The following PARP8 variants were observed in gnomAD, a reference collection of about 807,000 sequenced individuals.
The protein encoded by PARP8 is poly(ADP-ribose) polymerase family member 8.
In PARP8, 51 loss-of-function variants were observed where a neutral mutation model predicts 124.1. That is an observed-to-expected ratio of 0.41 (90% CI 0.33 to 0.52). The LOEUF is 0.52. Ranked by LOEUF, PARP8 falls within the 20% of genes least tolerant of loss-of-function variation. The pLI is 0.21. For missense variants in PARP8, 860 were observed against 1,018.9 expected (o/e 0.84, Z 2.12); for synonymous variants, 391 against 361.5 (o/e 1.08, Z -0.93).
At chr5:50,814,972 T>C (rs1288731499) in intron 14 of PARP8, among the ~76,000 whole-genome samples, 1 of 151,828 alleles carries the variant, frequency 6.6e-6, no homozygotes, top group African/African-American at 2.4e-5. Context: ...AGAATCATGC[T>C]ATTTTTTTTT....
chr5:50,766,109 A>C (rs1761034597), intron 7 of PARP8, among the ~76,000 whole-genome samples: 1 of 152,222 alleles, frequency 6.6e-6, no homozygotes, highest in Non-Finnish European at 1.5e-5. Flanking sequence ...AATCCTCTTA[A>C]AGAAGGCTGA....
In PARP8 at chr5:50,829,980, T is replaced by G. The variant is rs548188525; in HGVS notation, c.2233+19T>G. On this transcript the variant is annotated intron_variant, in intron 22 of 25. Coordinates refer to ENST00000281631, the MANE Select transcript of PARP8 (RefSeq NM_024615.4). ...TACTCAGGTAATTCCTGTATTTCAT[T>G]TCTAAAGTCACATTTATTAGGTTTT... The G allele has an allele frequency of 3.7e-6, 6 of 1,600,018 alleles. No homozygotes were observed. The highest frequency in any genetic ancestry group is 5.1e-6 in the Non-Finnish European group (6 of 1,172,526).
intron 23 of PARP8, chr5:50,833,512 G>GAA (rs201931532): frequency 9.8e-4 from 268 of 273,146 alleles, no homozygotes; most frequent in East Asian, 2.0e-3. Context: ...TCTAATATCT[G>GAA]AAAAAAAAAA....
At chr5:50,779,996 T>C (rs373428811) in intron 9 of PARP8, among the ~76,000 whole-genome samples, 1 of 152,160 alleles carries the variant, frequency 6.6e-6, no homozygotes, top group Non-Finnish European at 1.5e-5. Context: ...ATTCTGATAA[T>C]TTCAGATATA....
At chr5:50,839,656 C>G (rs1747953569) in intron 25 of PARP8, among the ~76,000 whole-genome samples, 1 of 97,510 alleles carries the variant, frequency 1.0e-5, no homozygotes, top group Admixed American at 1.2e-4. Context: ...CATACTGTCT[C>G]TCTCTTTCTT....
At chr5:50,705,800 G>T (rs1170285412) in intron 2 of PARP8, among the ~76,000 whole-genome samples, 1 of 151,966 alleles carries the variant, frequency 6.6e-6, no homozygotes, top group South Asian at 2.1e-4. Flanking sequence ...AAGGGGGGTT[G>T]ATGGGTCTGG....
chr5:50,763,980 C>G (rs533363059), intron 7 of PARP8, among the ~76,000 whole-genome samples: 1 of 152,138 alleles, frequency 6.6e-6, no homozygotes, highest in Admixed American at 6.5e-5. Flanking sequence ...GTCATATTCC[C>G]GCTTCACGTT....
intron 2 of PARP8, among the ~76,000 whole-genome samples, chr5:50,692,015 C>G (rs367970512): frequency 3.9e-5 from 6 of 152,238 alleles, no homozygotes; most frequent in African/African-American, 1.4e-4. Flanking sequence ...TTCCAACCAC[C>G]ACCACCGTTT....
At chr5:50,770,486 G>A (rs1761492562) in intron 7 of PARP8, among the ~76,000 whole-genome samples, 1 of 151,806 alleles carries the variant, frequency 6.6e-6, no homozygotes, top group Non-Finnish European at 1.5e-5. Context: ...GAACAGATCT[G>A]TGAACTACAA....
At chr5:50,783,507 G>A (rs936316909) in intron 9 of PARP8, among the ~76,000 whole-genome samples, 11 of 152,218 alleles carry the variant, frequency 7.2e-5, no homozygotes, top group Admixed American at 5.2e-4. Flanking sequence ...CTGTTGCTAA[G>A]ATAGCAACAG....
intron 2 of PARP8, among the ~76,000 whole-genome samples, chr5:50,675,172 C>G (rs939674748): frequency 6.6e-5 from 10 of 152,156 alleles, no homozygotes; most frequent in Non-Finnish European, 1.2e-4. Flanking sequence ...CAAAAATTAG[C>G]AGAGAGGTTG....
At chr5:50,739,603 C>T (rs1757817117) in intron 2 of PARP8, among the ~76,000 whole-genome samples, 1 of 150,862 alleles carries the variant, frequency 6.6e-6, no homozygotes, top group Non-Finnish European at 1.5e-5. Flanking sequence ...TCAAGCCTAT[C>T]ATATACTAAA....
chr5:50,804,149 A>T (rs1743554816), intron 14 of PARP8, among the ~76,000 whole-genome samples: 1 of 152,000 alleles, frequency 6.6e-6, no homozygotes, highest in South Asian at 2.1e-4. Flanking sequence ...AAGCTTTTTG[A>T]TTATTCTGTT....
chr5:50,846,169 A>G lies in PARP8; in HGVS notation c.*4101A>G, dbSNP rs1748597481. The G allele has an allele frequency of 6.6e-6, 1 of 151,738 alleles. No individual in the cohort carries two copies. The highest frequency in any genetic ancestry group is 1.5e-5 in the Non-Finnish European group (1 of 67,760). The allele number at this position is 151,738 out of a possible 1,614,324, so 9.4% of individuals were successfully genotyped here. On this transcript the variant is annotated 3_prime_UTR_variant, in exon 26 of 26. Transcript: ENST00000281631. ...CGATCTGCCCAATATTTAATGTATC[A>G]TTTGAGATTTTTAAAAATGCATCCG... is the stretch of plus-strand genomic sequence containing the variant.
chr5:50,741,783 G>T (rs1363855648), intron 2 of PARP8: 2 of 427,254 alleles, frequency 4.7e-6, no homozygotes, highest in Non-Finnish European at 9.2e-6. Flanking sequence ...TATTTCATAG[G>T]TGAGAAAGAT....
rs1740743715 is a variant in PARP8, at chr5:50,782,160, C to T, written c.670+3510C>T. ...CAGTGGTTGACTTTTATTATAGCAT[C>T]TATCTCTTTCATAGAATGGAGACTT... On this transcript the variant is annotated intron_variant, in intron 9 of 25. Transcript: ENST00000281631. Among the ~76,000 whole-genome samples, 5 of 152,202 alleles carry T rather than the reference C, an allele frequency of 3.3e-5. No individual in the cohort carries two copies. The South Asian group carries it at 1.0e-3, about 31-fold the overall frequency.
intron 2 of PARP8, among the ~76,000 whole-genome samples, chr5:50,728,773 T>A (rs1368556103): frequency 6.6e-6 from 1 of 152,082 alleles, no homozygotes; most frequent in Non-Finnish European, 1.5e-5. Flanking sequence ...CCATCAAAGT[T>A]TAAAATGTTG....
chr5:50,749,903 T>G (rs1352727513), intron 2 of PARP8, among the ~76,000 whole-genome samples: 1 of 152,104 alleles, frequency 6.6e-6, no homozygotes, highest in Non-Finnish European at 1.5e-5. Context: ...GAAATATCCC[T>G]GTTGGGAGAA....
At chr5:50,800,987 G>GAATCTCCTT (rs1367434318) in intron 14 of PARP8, among the ~76,000 whole-genome samples, 26 of 151,648 alleles carry the variant, frequency 1.7e-4, no homozygotes, top group African/African-American at 6.3e-4. Flanking sequence ...TGAACTCCTG[G>GAATCTCCTT]GCTCAAGGAA....
Sources: gnomAD v4.1 joint callset for allele counts (sites outside exome capture counted in the v4.1 genomes callset) on GRCh38, gnomAD v4.1.1 for gene constraint, MANE v1.5 for transcripts, NCBI Gene and HGNC (gene_info 2026-07-23, HGNC 2026-07-21) for gene names.